The following NPBWR2 variants were observed in gnomAD, a reference collection of about 807,000 sequenced individuals.
NPBWR2 encodes neuropeptides B/W receptor type 2.
For missense variants in NPBWR2, 390 were observed against 458.2 expected, an observed-to-expected ratio of 0.85 and a Z score of 1.36; for synonymous variants, 207 against 223.5, an observed-to-expected ratio of 0.93 and a Z score of 0.66.
chr20:64,104,475 C>T lies in NPBWR2; in HGVS notation c.*1355G>A, dbSNP rs1228302176. Among the ~76,000 whole-genome samples, 2 of 151,516 alleles carry T rather than the reference C, an allele frequency of 1.3e-5. No individual in the cohort carries two copies. The highest frequency in any genetic ancestry group is 6.6e-5 in the Admixed American group (1 of 15,208). Reference sequence around the variant, plus strand: ...GTGTACAGGCCATGGCGAGGACCGTCGGCCACAGCAGGGGGGTACAGGGGA... The same window carrying T: ...GTGTACAGGCCATGGCGAGGACCGTTGGCCACAGCAGGGGGGTACAGGGGA... On this transcript the variant is annotated 3_prime_UTR_variant, in exon 2 of 2. Transcript: ENST00000684052.
Position 64,104,944 on chromosome 20 carries a change from G to A in NPBWR2, c.*886C>T, listed in dbSNP as rs1219698514. On this transcript the variant is annotated 3_prime_UTR_variant, in exon 2 of 2. Coordinates refer to ENST00000684052, the MANE Select transcript of NPBWR2 (RefSeq NM_005286.4). ...GCGGGTACAGGCCATGGCAAGGACC[G>A]TCGGCCACAGCAGGGGGAACACAGC... Among the ~76,000 whole-genome samples the A allele has an allele frequency of 3.3e-5, 5 of 151,794 alleles. No homozygotes were observed. Among genetic ancestry groups the A allele is most frequent in the Admixed American group, 2.0e-4 (3 of 15,258 alleles).
In NPBWR2 at chr20:64,105,802, ATGATGGGGG is replaced by A; in HGVS notation, c.*19_*27del. On this transcript the variant is annotated 3_prime_UTR_variant, in exon 2 of 2. Coordinates refer to ENST00000684052, the MANE Select transcript of NPBWR2 (RefSeq NM_005286.4). The stretch of plus-strand genomic sequence containing the variant: ...ATGATGGGGGGTGATGATGGGCATG[ATGATGGGGG>A]TGATGGTGCCCAGGCCCTTCAGCAC... 1 of 1,493,048 alleles carries A rather than the reference ATGATGGGGG, an allele frequency of 6.7e-7. No homozygotes were observed. Among genetic ancestry groups the A allele is most frequent in the Non-Finnish European group, 9.1e-7 (1 of 1,101,314 alleles). The allele number at this position is 1,493,048 out of a possible 1,614,324, so 92.5% of individuals were successfully genotyped here. A position where few individuals can be genotyped will look rare whatever the true frequency, so the allele number is the denominator to read the frequency against.
At position 64,106,199 on chromosome 20, in the gene NPBWR2, G is replaced by A; in HGVS notation, c.633C>T (p.Ala211=). The change falls in exon 2 of 2, where the codon GCC becomes GCT. Residue 211 remains alanine (A), a synonymous_variant. Transcript: ENST00000684052. The surrounding 1 kb of genome is among the most constrained non-coding windows in gnomAD (Gnocchi z 9.5). ...CCAGGACCAACGTGTAGACACGGCT[G>A]GCCTTGAACCAGACCTGCTCGGGCC... ...FPWPEQVWFK[A]SRVYTLVLGF... is the part of the protein sequence containing the mutation. 1.2e-6 allele frequency: 2 copies of A among 1,612,702 alleles called. No homozygotes were observed. The highest frequency in any genetic ancestry group is 1.7e-6 in the Non-Finnish European group (2 of 1,179,920).
In NPBWR2 at chr20:64,105,026, T is replaced by C. The variant is rs924526279; in HGVS notation, c.*804A>G. ...GCTGGGCCTCCTGCTGGAACTCCAC[T>C]TGGGCTTCAGGCCACGAGAGTGGAT... On this transcript the variant is annotated 3_prime_UTR_variant, in exon 2 of 2. Coordinates refer to ENST00000684052, the MANE Select transcript of NPBWR2 (RefSeq NM_005286.4). Among the ~76,000 whole-genome samples the C allele has an allele frequency of 4.6e-5, 7 of 152,096 alleles. No homozygotes were observed. Among genetic ancestry groups the C allele is most frequent in the Non-Finnish European group, 8.8e-5 (6 of 67,972 alleles).
In NPBWR2 at chr20:64,106,588, C is replaced by T. The variant is rs761329510; in HGVS notation, c.244G>A (p.Val82Met). The change falls in exon 2 of 2, where the codon GTG (valine) becomes ATG (methionine). Residue 82 changes from valine (V) to methionine (M), a missense_variant. By Grantham distance (21) the Val-to-Met change is conservative. Transcript: ENST00000684052. The surrounding 1 kb of genome is among the most constrained non-coding windows in gnomAD (Gnocchi z 9.5). ...GCGACGGCCAGGTTCAGGATGAACACGTTGGTCACCGTCTTCATCTTGGGC... is the reference window on the plus strand; with the variant it reads ...GCGACGGCCAGGTTCAGGATGAACATGTTGGTCACCGTCTTCATCTTGGGC... ...RAPKMKTVTN[V>M]FILNLAVADG... The T allele has an allele frequency of 1.4e-5, 23 of 1,611,742 alleles. No homozygotes were observed. The highest frequency in any genetic ancestry group is 4.5e-5 in the East Asian group (2 of 44,882).
Position 64,106,344 on chromosome 20 carries a change from G to A in NPBWR2, c.488C>T (p.Ala163Val), listed in dbSNP as rs369032409. ...CCAGACACACAGGCTGGCGACCTTC[G>A]CCCCCCGGTAGGTGCGCCAGGGCAT... is the stretch of plus-strand genomic sequence containing the variant. Reference protein sequence around the residue: ...RHMPWRTYRGAKVASLCVWLG... With the variant: ...RHMPWRTYRGVKVASLCVWLG... Residue 163 changes from alanine (A) to valine (V), a missense_variant, in exon 2 of 2, where the codon GCG becomes GTG. Coordinates refer to ENST00000684052, the MANE Select transcript of NPBWR2 (RefSeq NM_005286.4). The surrounding 1 kb of genome is among the most constrained non-coding windows in gnomAD (Gnocchi z 9.5). 27 of 1,612,590 alleles carry A rather than the reference G, an allele frequency of 1.7e-5. No individual in the cohort carries two copies. Among genetic ancestry groups the A allele is most frequent in the South Asian group, 2.2e-5 (2 of 91,076 alleles).
At position 64,106,544 on chromosome 20, in the gene NPBWR2, C is replaced by T; in HGVS notation, c.288G>A (p.Leu96=). ...NLAVADGLFT[L]VLPVNIAEHL... is the part of the protein sequence containing the mutation. ...GCTCCGCGATGTTGACGGGCAGTAC[C>T]AGCGTGAAGAGCCCGTCGGCGACGG... The change falls in exon 2 of 2, where the codon CTG becomes CTA. Residue 96 remains leucine, a synonymous_variant. Coordinates refer to ENST00000684052, the MANE Select transcript of NPBWR2 (RefSeq NM_005286.4). The surrounding 1 kb of genome is among the most constrained non-coding windows in gnomAD (Gnocchi z 9.5). 6.2e-7 allele frequency: 1 copy of T among 1,612,198 alleles called. No individual in the cohort carries two copies. Among genetic ancestry groups the T allele is most frequent in the Non-Finnish European group, 8.5e-7 (1 of 1,179,972 alleles).
rs191651232 is a variant in NPBWR2 at position 64,104,759 on chromosome 20, C to T, written c.*1071G>A. On this transcript the variant is annotated 3_prime_UTR_variant, in exon 2 of 2. Transcript: ENST00000684052. ...GAGCACAGGCCATGGTGAGGACTGT[C>T]GGCCACAGCAGGGGGGCACAGGGGA... Among the ~76,000 whole-genome samples the T allele has an allele frequency of 3.8e-5, 5 of 130,562 alleles. No individual in the cohort carries two copies. Among genetic ancestry groups the T allele is most frequent in the Admixed American group, 2.4e-4 (3 of 12,668 alleles). The allele number at this position is 130,562 out of a possible 152,430, so 85.7% of individuals were successfully genotyped here.
At position 64,105,078 on chromosome 20, in the gene NPBWR2, C is replaced by T. The variant is rs2145640461; in HGVS notation, c.*752G>A. ...TCTGGGTCTCATGCGGTGCAGGTGT[C>T]CGCCTTTGCAGCAACACAGCATCGC... On this transcript the variant is annotated 3_prime_UTR_variant, in exon 2 of 2. Coordinates refer to ENST00000684052, the MANE Select transcript of NPBWR2 (RefSeq NM_005286.4). 8.5e-6 allele frequency among the ~76,000 whole-genome samples: 1 copy of T among 118,096 alleles called. No individual in the cohort carries two copies. Among genetic ancestry groups the T allele is most frequent in the Middle Eastern group, 4.1e-3 (1 of 242 alleles). 77.5% of individuals were successfully genotyped at this position (118,096 alleles called of 152,430 possible).
chr20:64,105,663 AT>A lies in NPBWR2; in HGVS notation c.*166del, dbSNP rs1979971283. Among the ~76,000 whole-genome samples, 1 of 43,470 alleles carries A rather than the reference AT, an allele frequency of 2.3e-5. No homozygotes were observed. Among genetic ancestry groups the A allele is most frequent in the African/African-American group, 1.1e-4 (1 of 9,456 alleles). 28.5% of individuals were successfully genotyped at this position (43,470 alleles called of 152,430 possible). A position where few individuals can be genotyped will look rare whatever the true frequency, so the allele number is the denominator to read the frequency against. On this transcript the variant is annotated 3_prime_UTR_variant, in exon 2 of 2. Transcript: ENST00000684052. ...GATGGTGGATGTGATGGGGGTGGGC[AT>A]GATGATGGGCGTGATGATGGGGGTG...
In NPBWR2 at chr20:64,104,071, T is replaced by C. The variant is rs1251936845; in HGVS notation, c.*1759A>G. On this transcript the variant is annotated 3_prime_UTR_variant, in exon 2 of 2. Transcript: ENST00000684052. ...GATCAGAGCTCTGGGTCATGAGGAC[T>C]GAAACCAACCCAGAACACTCACACC... 1.3e-5 allele frequency among the ~76,000 whole-genome samples: 2 copies of C among 152,154 alleles called. No homozygotes were observed. The highest frequency in any genetic ancestry group is 2.9e-5 in the Non-Finnish European group (2 of 68,014).
Position 64,105,857 on chromosome 20 carries a change from C to T in NPBWR2, c.975G>A (p.Lys325=), listed in dbSNP as rs767624959. 1.3e-6 allele frequency: 2 copies of T among 1,500,616 alleles called. No individual in the cohort carries two copies. Among genetic ancestry groups the T allele is most frequent in the South Asian group, 1.2e-5 (1 of 83,380 alleles). 93.0% of individuals were successfully genotyped at this position (1,500,616 alleles called of 1,614,324 possible). A position where few individuals can be genotyped will look rare whatever the true frequency, so the allele number is the denominator to read the frequency against. Residue 325 remains lysine, a synonymous_variant, in exon 2 of 2, where the codon AAG becomes AAA. Coordinates refer to ENST00000684052, the MANE Select transcript of NPBWR2 (RefSeq NM_005286.4). ...AGCACCGCAATATGCTGCGGAAGTT[C>T]TTCCGGAAGTTGTCATCTAGAAAGG... ...LYAFLDDNFR[K]NFRSILRC
Position 64,106,085 on chromosome 20 carries a change from C to A in NPBWR2, c.747G>T (p.Lys249Asn). Residue 249 changes from lysine (K) to asparagine (N), a missense_variant, in exon 2 of 2, where the codon AAG becomes AAT. Transcript: ENST00000684052. The surrounding 1 kb of genome is among the most constrained non-coding windows in gnomAD (Gnocchi z 9.5). ...LRAVRLRSGA[K>N]ALGKARRKVT... ...CCTTCCGCCTGGCCTTGCCTAGAGCCTTGGCTCCAGAGCGGAGCCGCACGG... is the reference window on the plus strand; with the variant it reads ...CCTTCCGCCTGGCCTTGCCTAGAGCATTGGCTCCAGAGCGGAGCCGCACGG... The A allele has an allele frequency of 6.2e-7, 1 of 1,611,262 alleles. No homozygotes were observed. The highest frequency in any genetic ancestry group is 8.5e-7 in the Non-Finnish European group (1 of 1,179,530).
rs1199478891 is a variant in NPBWR2 at position 64,104,876 on chromosome 20, CAG to C, written c.*952_*953del. On this transcript the variant is annotated 3_prime_UTR_variant, in exon 2 of 2. Coordinates refer to ENST00000684052, the MANE Select transcript of NPBWR2 (RefSeq NM_005286.4). ...GACCGTCGGACACAGCAGGGGGGCA[CAG>C]GGGAGCACAGGCCATGGAGAGGACT... 1.4e-4 allele frequency among the ~76,000 whole-genome samples: 16 copies of C among 114,406 alleles called. No homozygotes were observed. The East Asian group carries it at 3.8e-3, about 27-fold the overall frequency. 75.1% of individuals were successfully genotyped at this position (114,406 alleles called of 152,430 possible).
Position 64,107,007 on chromosome 20 carries a change from G to A in NPBWR2, c.-91-85C>T. The A allele has an allele frequency of 2.6e-6, 2 of 774,724 alleles. No individual in the cohort carries two copies. The highest frequency in any genetic ancestry group is 4.1e-6 in the Non-Finnish European group (2 of 483,844). The allele number at this position is 774,724 out of a possible 1,614,324, so 48.0% of individuals were successfully genotyped here. A position where few individuals can be genotyped will look rare whatever the true frequency, so the allele number is the denominator to read the frequency against. On this transcript the variant is annotated intron_variant, in intron 1 of 1. Coordinates refer to ENST00000684052, the MANE Select transcript of NPBWR2 (RefSeq NM_005286.4). This position sits in a 1 kb window ranked among gnomAD's most constrained non-coding sequence, Gnocchi z 6.3. ...TCCAGGTTCTCTGGCAGAGACTGCG[G>A]CCACTTTGCCAGGTCAAGGACATGG...
Position 64,104,708 on chromosome 20 carries a change from G to A in NPBWR2, c.*1122C>T, listed in dbSNP as rs1256243409. On this transcript the variant is annotated 3_prime_UTR_variant, in exon 2 of 2. Coordinates refer to ENST00000684052, the MANE Select transcript of NPBWR2 (RefSeq NM_005286.4). ...GGGAGCACAGGCCATGGAGAGGACC[G>A]TCGGCCACAGCAGGGGAGTATAGGG... is the stretch of plus-strand genomic sequence containing the variant. Among the ~76,000 whole-genome samples, 5 of 136,654 alleles carry A rather than the reference G, an allele frequency of 3.7e-5. 1 individual carries two copies. The highest frequency in any genetic ancestry group is 2.1e-4 in the Admixed American group (3 of 13,966). The allele number at this position is 136,654 out of a possible 152,430, so 89.7% of individuals were successfully genotyped here.
Position 64,106,958 on chromosome 20 carries a change from G to A in NPBWR2, c.-91-36C>T, listed in dbSNP as rs35368587. On this transcript the variant is annotated intron_variant, in intron 1 of 1. Transcript: ENST00000684052. This position sits in a 1 kb window ranked among gnomAD's most constrained non-coding sequence, Gnocchi z 9.5. ...AAAACAACCAGAGACTTTGAGATCC[G>A]GCCGTCTGTTAGGGCACAGCCACTC... 0.088 allele frequency: 107,549 copies of A among 1,217,032 alleles called. 5,307 individuals are homozygous for A. Among genetic ancestry groups the A allele is most frequent in the Non-Finnish European group, 0.096 (84,135 of 878,106 alleles). The allele number at this position is 1,217,032 out of a possible 1,614,324, so 75.4% of individuals were successfully genotyped here. A position where few individuals can be genotyped will look rare whatever the true frequency, so the allele number is the denominator to read the frequency against.
chr20:64,106,728 G>A lies in NPBWR2; in HGVS notation c.104C>T (p.Ala35Val), dbSNP rs1448403074. Residue 35 changes from alanine (A) to valine (V), a missense_variant, in exon 2 of 2, where the codon GCC (alanine) becomes GTC (valine). Coordinates refer to ENST00000684052, the MANE Select transcript of NPBWR2 (RefSeq NM_005286.4). The surrounding 1 kb of genome is among the most constrained non-coding windows in gnomAD (Gnocchi z 9.5). ...GAACGGCAGTGGCTCGGAGAAGGTGGCATTGTGGCCAGTGCCATTGTCCTG... is the reference window on the plus strand; with the variant it reads ...GAACGGCAGTGGCTCGGAGAAGGTGACATTGTGGCCAGTGCCATTGTCCTG... Reference protein sequence around the residue: ...VSQDNGTGHNATFSEPLPFLY... With the variant: ...VSQDNGTGHNVTFSEPLPFLY... The A allele has an allele frequency of 2.5e-6, 4 of 1,612,666 alleles. No homozygotes were observed. Among genetic ancestry groups the A allele is most frequent in the Non-Finnish European group, 3.4e-6 (4 of 1,180,022 alleles).
In NPBWR2 at chr20:64,105,441, C is replaced by T. The variant is rs1290070379; in HGVS notation, c.*389G>A. Among the ~76,000 whole-genome samples the T allele has an allele frequency of 4.6e-5, 6 of 129,860 alleles. No homozygotes were observed. Among genetic ancestry groups the T allele is most frequent in the South Asian group, 2.7e-4 (1 of 3,672 alleles). The allele number at this position is 129,860 out of a possible 152,430, so 85.2% of individuals were successfully genotyped here. A position where few individuals can be genotyped will look rare whatever the true frequency, so the allele number is the denominator to read the frequency against. On this transcript the variant is annotated 3_prime_UTR_variant, in exon 2 of 2. Coordinates refer to ENST00000684052, the MANE Select transcript of NPBWR2 (RefSeq NM_005286.4). ...GCGTGTGAGGGTCTGTGTCTCCTTG[C>T]GTGGAGAGGACAGCACTGGGATGTG...
Sources: allele counts gnomAD v4.1 joint callset (sites outside exome capture counted in the v4.1 genomes callset), GRCh38; gene constraint gnomAD v4.1.1; non-coding constraint Gnocchi (gnomAD v3.1); transcripts MANE v1.5; gene names NCBI Gene and HGNC (gene_info 2026-07-23, HGNC 2026-07-21).